The following C12orf42 variants were observed in gnomAD, a reference collection of about 807,000 sequenced individuals.
C12orf42 encodes uncharacterized protein C12orf42.
Under a neutral mutation model 21.6 loss-of-function variants are expected in C12orf42, and 25 were observed. The ratio of observed to expected loss-of-function variants is 1.16; its 90% CI spans 0.84 to 1.62. C12orf42 has a LOEUF of 1.62. Ranked by LOEUF, C12orf42 falls within the 40% of genes most tolerant of loss-of-function variation. C12orf42 has a pLI of 0.00. For synonymous variants in C12orf42, 174 were observed against 175.0 expected, an observed-to-expected ratio of 0.99 and a Z score of 0.05; for missense variants, 483 against 459.3, an observed-to-expected ratio of 1.05 and a Z score of -0.47.
chr12:103,361,762 A>G (rs1490325170), intron 4 of C12orf42, among the ~76,000 whole-genome samples: 1 of 151,980 alleles, frequency 6.6e-6, no homozygotes, highest in Non-Finnish European at 1.5e-5. Flanking sequence ...TACCTGCATG[A>G]CACAGCAGAG....
At chr12:103,522,530 T>C in the C12orf42 span, among the ~76,000 whole-genome samples, 5 of 152,198 alleles carry the variant, frequency 3.3e-5, no homozygotes, top group African/African-American at 9.6e-5. Flanking sequence ...CCAGCCATCC[T>C]GACACACGTG....
At chr12:103,360,463 C>T (rs1022359678) in intron 4 of C12orf42, among the ~76,000 whole-genome samples, 2 of 151,950 alleles carry the variant, frequency 1.3e-5, no homozygotes, top group Admixed American at 6.6e-5. Context: ...GGCTTCATGT[C>T]TCCAAATCTA....
intron 2 of C12orf42, among the ~76,000 whole-genome samples, chr12:103,434,516 G>A (rs1004012086): frequency 1.3e-5 from 2 of 152,162 alleles, no homozygotes; most frequent in African/African-American, 4.8e-5. Context: ...GGGAGTGCCA[G>A]ACAGTGGGTG....
the C12orf42 span, among the ~76,000 whole-genome samples, chr12:103,146,269 T>C: frequency 6.6e-6 from 1 of 150,970 alleles, no homozygotes; most frequent in African/African-American, 2.4e-5. Context: ...TCACTTGAGG[T>C]CAGGAGTTTG....
chr12:103,489,475 C>T (rs181713122), intron 1 of C12orf42, among the ~76,000 whole-genome samples: 4 of 152,370 alleles, frequency 2.6e-5, no homozygotes, highest in African/African-American at 9.6e-5. Flanking sequence ...AGAACCACTG[C>T]TCTCCTCAGA....
At chr12:103,322,765 C>T (rs886361175) in intron 4 of C12orf42, among the ~76,000 whole-genome samples, 1 of 152,144 alleles carries the variant, frequency 6.6e-6, no homozygotes, top group Non-Finnish European at 1.5e-5. Flanking sequence ...CGTAAGAGTG[C>T]ATTAGGTTAA....
chr12:103,217,955 C>T, the C12orf42 span, among the ~76,000 whole-genome samples: 2 of 152,074 alleles, frequency 1.3e-5, no homozygotes, highest in African/African-American at 4.8e-5. Flanking sequence ...TCATTTGTTG[C>T]TGCATATCTC....
At chr12:103,255,752 C>A (rs1450418451) in intron 10 of C12orf42, among the ~76,000 whole-genome samples, 2 of 151,636 alleles carry the variant, frequency 1.3e-5, no homozygotes, top group Non-Finnish European at 2.9e-5. Context: ...ATTATTATAT[C>A]TATTATAAAG....
intron 4 of C12orf42, among the ~76,000 whole-genome samples, chr12:103,334,488 C>T (rs564942721): frequency 5.3e-5 from 8 of 152,196 alleles, no homozygotes; most frequent in Admixed American, 3.9e-4. Context: ...AAACAAAATA[C>T]GAAAAGGCAG....
the C12orf42 span, among the ~76,000 whole-genome samples, chr12:103,218,813 T>C: frequency 2.6e-5 from 4 of 152,216 alleles, no homozygotes; most frequent in African/African-American, 9.7e-5. Context: ...ATTTACAGAA[T>C]GAGAATTGCA....
intron 4 of C12orf42, among the ~76,000 whole-genome samples, chr12:103,352,293 G>A (rs2043166834): frequency 1.3e-5 from 2 of 152,114 alleles, no homozygotes; most frequent in Non-Finnish European, 2.9e-5. Flanking sequence ...TTCTCGCTAT[G>A]GAGGGAAGGA....
At chr12:103,555,152 GGTGTATTAGTCCATTTCCAT>G in the C12orf42 span, among the ~76,000 whole-genome samples, 1 of 152,098 alleles carries the variant, frequency 6.6e-6, no homozygotes, top group Admixed American at 6.5e-5. Context: ...TGATTCAGTA[GGTGTATTAGTCCATTTCCAT>G]GTTGCTAATA....
At chr12:103,562,097 T>C in the C12orf42 span, among the ~76,000 whole-genome samples, 1 of 152,212 alleles carries the variant, frequency 6.6e-6, no homozygotes, top group African/African-American at 2.4e-5. Flanking sequence ...GCAAAATCAA[T>C]TTATTATTCT....
intron 1 of C12orf42, among the ~76,000 whole-genome samples, chr12:103,490,117 G>A (rs184973501): frequency 6.6e-6 from 1 of 152,308 alleles, no homozygotes; most frequent in East Asian, 1.9e-4. Flanking sequence ...TTTATGTATT[G>A]CTCCTTCCTA....
the C12orf42 span, among the ~76,000 whole-genome samples, chr12:103,111,072 T>TCC: frequency 3.3e-5 from 5 of 152,224 alleles, no homozygotes; most frequent in Non-Finnish European, 5.9e-5. Context: ...ATTATTGTTA[T>TCC]TGCAGTGAAT....
chr12:103,330,522 G>A (rs1384597329), intron 4 of C12orf42, among the ~76,000 whole-genome samples: 1 of 152,190 alleles, frequency 6.6e-6, no homozygotes, highest in Non-Finnish European at 1.5e-5. Flanking sequence ...CTTGGGTTCA[G>A]AACATACAGG....
chr12:103,287,101 TG>T (rs1156956487), intron 4 of C12orf42, among the ~76,000 whole-genome samples: 1 of 152,218 alleles, frequency 6.6e-6, no homozygotes, highest in Admixed American at 6.5e-5. Context: ...TTTACACTGT[TG>T]GTGGTACTGT....
At chr12:103,321,034 C>G (rs919794953) in intron 4 of C12orf42, among the ~76,000 whole-genome samples, 12 of 152,154 alleles carry the variant, frequency 7.9e-5, no homozygotes, top group African/African-American at 2.9e-4. Context: ...ATATAAATAA[C>G]AATTCTAAGT....
At chr12:103,305,812 A>G (rs2038237885) in intron 5 of C12orf42, among the ~76,000 whole-genome samples, 162 bp downstream of exon 5, 2 of 152,220 alleles carry the variant, frequency 1.3e-5, no homozygotes, top group African/African-American at 4.8e-5. Flanking sequence ...AATGCTTGAC[A>G]ACAAGCAGAC....
Sources: allele counts gnomAD v4.1 joint callset (sites outside exome capture counted in the v4.1 genomes callset), GRCh38; gene constraint gnomAD v4.1.1; transcripts MANE v1.5; gene names NCBI Gene and HGNC (gene_info 2026-07-23, HGNC 2026-07-21).